The following TBC1D20 variants were observed in gnomAD, a reference collection of about 807,000 sequenced individuals.
The protein encoded by TBC1D20 is TBC1 domain family member 20.
Under a neutral mutation model 41.6 loss-of-function variants are expected in TBC1D20, and 12 were observed. The ratio of observed to expected loss-of-function variants is 0.29; its 90% CI spans 0.18 to 0.47. TBC1D20 has a LOEUF of 0.47. Ranked by LOEUF, TBC1D20 falls within the 20% of genes least tolerant of loss-of-function variation. The pLI, the probability that TBC1D20 is intolerant of heterozygous loss-of-function variation, is 1.00. For missense variants in TBC1D20, 421 were observed against 517.4 expected (o/e 0.81, Z 1.81); for synonymous variants, 205 against 204.8 (o/e 1.00, Z -0.01).
chr20:439,383 T>A lies in TBC1D20; in HGVS notation c.769-88A>T. ...ACTCCATTATCCTTGCAGATGAATT[T>A]AAACTGGTAACAGACAGGACTCAGC... On this transcript the variant is annotated intron_variant, in intron 6 of 7. Transcript: ENST00000354200. The surrounding 1 kb of genome is among the most constrained non-coding windows in gnomAD (Gnocchi z 4.6). 1.9e-6 allele frequency: 2 copies of A among 1,044,516 alleles called. No individual in the cohort carries two copies. Among genetic ancestry groups the A allele is most frequent in the Non-Finnish European group, 2.8e-6 (2 of 711,670 alleles). The allele number at this position is 1,044,516 out of a possible 1,614,324, so 64.7% of individuals were successfully genotyped here. A position where few individuals can be genotyped will look rare whatever the true frequency, so the allele number is the denominator to read the frequency against.
rs918550748 is a variant in TBC1D20 at position 440,383 on chromosome 20, C to T, written c.633G>A (p.Glu211=). The change falls in exon 6 of 8, where the codon GAG becomes GAA. Residue 211 remains glutamate, a synonymous_variant. Transcript: ENST00000354200. ...AGCTGAGGGCAAAGATGGTCCCTAC[C>T]TCAGCACTAGAAACAAAGGAAAGGC... ...PELHDFMQSA[E]VGTIFALSWL... is the part of the protein sequence containing the mutation. 2.5e-6 allele frequency: 4 copies of T among 1,614,170 alleles called. No homozygotes were observed. Among genetic ancestry groups the T allele is most frequent in the Non-Finnish European group, 3.4e-6 (4 of 1,180,016 alleles).
intron 1 of TBC1D20, among the ~76,000 whole-genome samples, chr20:461,790 G>T (rs1215103663): frequency 6.6e-6 from 1 of 152,258 alleles, no homozygotes; most frequent in Admixed American, 6.5e-5. Flanking sequence ...TTTCGTTTTG[G>T]AATCAGACAG....
At chr20:459,089 T>C (rs750669955) in intron 1 of TBC1D20, among the ~76,000 whole-genome samples, 93 of 152,202 alleles carry the variant, frequency 6.1e-4, no homozygotes, top group Non-Finnish European at 5.1e-4. Flanking sequence ...GCTAAAGATG[T>C]ATGAATTACA....
chr20:441,713 C>T (rs761481305), intron 4 of TBC1D20, 24 bp from the exon 5 acceptor site: 2 of 1,611,048 alleles, frequency 1.2e-6, no homozygotes, highest in Non-Finnish European at 1.7e-6. Flanking sequence ...ATTCAATAAG[C>T]CTGGTTACCA....
At position 445,186 on chromosome 20, in the gene TBC1D20, C is replaced by T; in HGVS notation, c.257-56G>A. ...AATGCCTGAGAAGCCAGACCAGAAG[C>T]AAAACATTCTGGGATGACACAAAAG... On this transcript the variant is annotated intron_variant, in intron 2 of 7. Transcript: ENST00000354200. 3.7e-6 allele frequency: 5 copies of T among 1,366,314 alleles called. No individual in the cohort carries two copies. The South Asian group carries it at 6.2e-5, about 17-fold the overall frequency. The allele number at this position is 1,366,314 out of a possible 1,614,324, so 84.6% of individuals were successfully genotyped here. A position where few individuals can be genotyped will look rare whatever the true frequency, so the allele number is the denominator to read the frequency against.
Position 439,473 on chromosome 20 carries a change from T to C in TBC1D20, c.769-178A>G, listed in dbSNP as rs959061656. Among the ~76,000 whole-genome samples the C allele has an allele frequency of 1.3e-5, 2 of 152,192 alleles. No individual in the cohort carries two copies. Among genetic ancestry groups the C allele is most frequent in the African/African-American group, 2.4e-5 (1 of 41,448 alleles). ...ATAACATATATACGCTCAGTGCTACTCCTACTCTCTGGCCCTTCCTGCAAA... is the reference window on the plus strand; with the variant it reads ...ATAACATATATACGCTCAGTGCTACCCCTACTCTCTGGCCCTTCCTGCAAA... On this transcript the variant is annotated intron_variant, in intron 6 of 7. Transcript: ENST00000354200. The surrounding 1 kb of genome is among the most constrained non-coding windows in gnomAD (Gnocchi z 4.6).
At position 436,908 on chromosome 20, in the gene TBC1D20, T is replaced by A. The variant is rs2017128688; in HGVS notation, c.*1678A>T. 1 of 153,012 alleles carries A rather than the reference T, an allele frequency of 6.5e-6. No homozygotes were observed. Among genetic ancestry groups the A allele is most frequent in the Non-Finnish European group, 1.5e-5 (1 of 68,052 alleles). The allele number at this position is 153,012 out of a possible 1,614,324, so 9.5% of individuals were successfully genotyped here. A position where few individuals can be genotyped will look rare whatever the true frequency, so the allele number is the denominator to read the frequency against. ...CGGGCAGATCACCTGAGGTCAGGAG[T>A]TCGAGACCAGCCTGGCCAACGTGGC... On this transcript the variant is annotated 3_prime_UTR_variant, in exon 8 of 8. Coordinates refer to ENST00000354200, the MANE Select transcript of TBC1D20 (RefSeq NM_144628.4).
intron 1 of TBC1D20, among the ~76,000 whole-genome samples, chr20:458,628 T>C (rs2017581610): frequency 6.6e-6 from 1 of 152,190 alleles, no homozygotes; most frequent in South Asian, 2.1e-4. Context: ...ATTCTACTTT[T>C]AATCCTGCAT....
In TBC1D20 at chr20:441,848, T is replaced by C; in HGVS notation, c.524+9A>G. 1 of 1,612,842 alleles carries C rather than the reference T, an allele frequency of 6.2e-7. No homozygotes were observed. The highest frequency in any genetic ancestry group is 8.5e-7 in the Non-Finnish European group (1 of 1,179,010). Reference sequence around the variant, plus strand: ...ATGCCCGTCGTCTTGTGTTCCTCTCTACTGGTACCTGAGGTGGTGGGTAGA... The same window carrying C: ...ATGCCCGTCGTCTTGTGTTCCTCTCCACTGGTACCTGAGGTGGTGGGTAGA... On this transcript the variant is annotated intron_variant, in intron 4 of 7. Coordinates refer to ENST00000354200, the MANE Select transcript of TBC1D20 (RefSeq NM_144628.4).
intron 5 of TBC1D20, 27 bp from the exon 6 acceptor site, chr20:440,416 A>G (rs750903901): frequency 1.2e-6 from 2 of 1,613,430 alleles, no homozygotes; most frequent in Admixed American, 1.7e-5. Flanking sequence ...GGCAGGTGTC[A>G]GGTCCTGTGG....
intron 3 of TBC1D20, among the ~76,000 whole-genome samples, chr20:443,058 C>T (rs775414669): frequency 6.6e-6 from 1 of 152,106 alleles, no homozygotes; most frequent in Non-Finnish European, 1.5e-5. Flanking sequence ...TGAGATCGTG[C>T]CACTGCACTG....
chr20:453,540 ATT>A (rs1157479385), intron 1 of TBC1D20, among the ~76,000 whole-genome samples: 74 of 105,796 alleles, frequency 7.0e-4, no homozygotes, highest in African/African-American at 2.6e-3. Context: ...GTAATCCAGC[ATT>A]TTTTTTTTTT....
At chr20:461,453 G>A (rs964305684) in intron 1 of TBC1D20, among the ~76,000 whole-genome samples, 7 of 152,186 alleles carry the variant, frequency 4.6e-5, no homozygotes, top group African/African-American at 1.7e-4. Context: ...TCTAAGTCCT[G>A]GGCTCAAGCG....
chr20:455,564 G>A (rs1446329653), intron 1 of TBC1D20, among the ~76,000 whole-genome samples: 1 of 152,080 alleles, frequency 6.6e-6, no homozygotes, highest in Non-Finnish European at 1.5e-5. Context: ...GTTACAGTGT[G>A]CCGAGATCAT....
chr20:448,025 C>G lies in TBC1D20; in HGVS notation c.120G>C (p.Leu40=). Residue 40 remains leucine, a synonymous_variant, in exon 2 of 8, where the codon CTG becomes CTC. Coordinates refer to ENST00000354200, the MANE Select transcript of TBC1D20 (RefSeq NM_144628.4). The part of the protein sequence containing the change: ...KKKVAEIHQA[L]NSDPTDVAAL... ...CAGCCACATCAGTGGGATCACTGTT[C>G]AGAGCCTGGTGTATCTCTGCCACTT... 1 of 1,614,136 alleles carries G rather than the reference C, an allele frequency of 6.2e-7. No homozygotes were observed. The highest frequency in any genetic ancestry group is 8.5e-7 in the Non-Finnish European group (1 of 1,179,964).
chr20:458,384 G>A (rs1186137204), intron 1 of TBC1D20, among the ~76,000 whole-genome samples: 1 of 151,464 alleles, frequency 6.6e-6, no homozygotes, highest in Non-Finnish European at 1.5e-5. Flanking sequence ...CACGATCATG[G>A]CTCACTGCAG....
chr20:462,001 G>A (rs1344050137), intron 1 of TBC1D20, among the ~76,000 whole-genome samples: 1 of 152,212 alleles, frequency 6.6e-6, no homozygotes, highest in South Asian at 2.1e-4. Flanking sequence ...CGCCTGGGAC[G>A]GGGTGGGCCT....
At chr20:453,141 G>GA (rs2017474463) in intron 1 of TBC1D20, among the ~76,000 whole-genome samples, 1 of 86,170 alleles carries the variant, frequency 1.2e-5, no homozygotes, top group Non-Finnish European at 2.1e-5. Context: ...CAACAAGAGC[G>GA]AAACTCCGTT....
At position 439,206 on chromosome 20, in the gene TBC1D20, C is replaced by A; in HGVS notation, c.858G>T (p.Leu286Phe). The change falls in exon 7 of 8, where the codon TTG becomes TTT. Residue 286 changes from leucine (L) to phenylalanine (F), a missense_variant. Around this residue, in one of 3 missense-constraint regions of TBC1D20, gnomAD observed 161 missense variants for 182.7 expected, o/e 0.88. Transcript: ENST00000354200. The surrounding 1 kb of genome is among the most constrained non-coding windows in gnomAD (Gnocchi z 4.6). ...HHLLSQIPQDLPYETLISRAG... is the reference protein window; with the variant it reads ...HHLLSQIPQDFPYETLISRAG... ...CTCTGCTGATCAGTGTCTCATAGGG[C>A]AAGTCCTGAGGGATCTGGGACAACA... 2 of 1,614,226 alleles carry A rather than the reference C, an allele frequency of 1.2e-6. No homozygotes were observed. The highest frequency in any genetic ancestry group is 1.7e-6 in the Non-Finnish European group (2 of 1,180,038).
Sources: allele counts gnomAD v4.1 joint callset (sites outside exome capture counted in the v4.1 genomes callset), GRCh38; gene constraint gnomAD v4.1.1; regional missense constraint gnomAD v4.1.1; non-coding constraint Gnocchi (gnomAD v3.1); transcripts MANE v1.5; gene names NCBI Gene and HGNC (gene_info 2026-07-23, HGNC 2026-07-21).